The following ACBD6 variants were observed in gnomAD, a reference collection of about 807,000 sequenced individuals.
ACBD6 encodes acyl-CoA binding domain containing 6.
A neutral mutation model predicts 37.2 loss-of-function variants in ACBD6; 28 were observed. The observed-to-expected ratio is 0.75, with a 90% CI of 0.56 to 1.03. The LOEUF is 1.03. Ranked by LOEUF, ACBD6 falls within the 50% of genes least tolerant of loss-of-function variation. The pLI is 0.00. For missense variants in ACBD6, 340 were observed against 337.4 expected, an observed-to-expected ratio of 1.01 and a Z score of -0.06; for synonymous variants, 113 against 126.8, an observed-to-expected ratio of 0.89 and a Z score of 0.73.
At chr1:180,304,770 A>T (rs1650283137) in intron 7 of ACBD6, among the ~76,000 whole-genome samples, 1 of 150,738 alleles carries the variant, frequency 6.6e-6, no homozygotes, top group Non-Finnish European at 1.5e-5. Flanking sequence ...TTCACATGGA[A>T]CCAAAAAAGA....
intron 6 of ACBD6, among the ~76,000 whole-genome samples, chr1:180,353,025 C>T (rs1400789449): frequency 6.6e-6 from 1 of 152,224 alleles, no homozygotes; most frequent in African/African-American, 2.4e-5. Context: ...CTTACCTGAT[C>T]ACTGTTTAAA....
chr1:180,443,365 T>G (rs1649357086), intron 3 of ACBD6, among the ~76,000 whole-genome samples: 1 of 152,198 alleles, frequency 6.6e-6, no homozygotes, highest in Admixed American at 6.5e-5. Flanking sequence ...TGCTTTCTTA[T>G]GTTTCTTTCC....
intron 5 of ACBD6, among the ~76,000 whole-genome samples, chr1:180,400,997 A>G (rs1159338503): frequency 6.6e-6 from 1 of 152,084 alleles, no homozygotes; most frequent in African/African-American, 2.4e-5. Flanking sequence ...TCCATGAGTG[A>G]TATAATCTCT....
At chr1:180,488,809 G>A (rs961779034) in intron 3 of ACBD6, among the ~76,000 whole-genome samples, 1 of 151,978 alleles carries the variant, frequency 6.6e-6, no homozygotes, top group Non-Finnish European at 1.5e-5. Flanking sequence ...TCAAACTCCT[G>A]GCCTCAAGTG....
At chr1:180,432,078 G>A (rs763987201) in intron 3 of ACBD6, among the ~76,000 whole-genome samples, 1 of 151,944 alleles carries the variant, frequency 6.6e-6, no homozygotes, top group South Asian at 2.1e-4. Context: ...ATGGTGGTGC[G>A]TGACTGTAGT....
intron 7 of ACBD6, among the ~76,000 whole-genome samples, chr1:180,298,020 C>G (rs1417185008): frequency 6.6e-6 from 1 of 152,208 alleles, no homozygotes; most frequent in Non-Finnish European, 1.5e-5. Context: ...GCTGGGATAA[C>G]AGGCATGAGC....
chr1:180,339,232 G>T (rs1363095895), intron 6 of ACBD6, among the ~76,000 whole-genome samples: 2 of 152,128 alleles, frequency 1.3e-5, no homozygotes, highest in African/African-American at 4.8e-5. Context: ...ACATGCACAC[G>T]TATGTTTACT....
At chr1:180,312,402 AC>A (rs1650628932) in intron 7 of ACBD6, among the ~76,000 whole-genome samples, 1 of 152,180 alleles carries the variant, frequency 6.6e-6, no homozygotes, top group African/African-American at 2.4e-5. Context: ...ACTTAAAAAA[AC>A]TAATGCATTC....
intron 5 of ACBD6, among the ~76,000 whole-genome samples, chr1:180,411,125 T>G (rs1395728698): frequency 1.3e-5 from 2 of 152,242 alleles, no homozygotes; most frequent in Non-Finnish European, 2.9e-5. Flanking sequence ...TGTGATGGAA[T>G]TGCTACAATT....
At chr1:180,292,164 C>T (rs900112306) in intron 7 of ACBD6, among the ~76,000 whole-genome samples, 2 of 152,096 alleles carry the variant, frequency 1.3e-5, no homozygotes, top group Non-Finnish European at 2.9e-5. Flanking sequence ...AGGTCCTTTG[C>T]TTTTCCATAT....
At chr1:180,276,981 T>C (rs1240687197) in intron 9 of ACBD6, 3 of 152,210 alleles carry the variant, frequency 2.0e-5, no homozygotes, top group Non-Finnish European at 2.9e-5. Flanking sequence ...AATAAATCTC[T>C]TGAGGAACTC....
At chr1:180,278,164 C>T (rs1649152242) in intron 9 of ACBD6, 1 of 152,218 alleles carries the variant, frequency 6.6e-6, no homozygotes, top group African/African-American at 2.4e-5. Flanking sequence ...CCATACCTCC[C>T]CAGCCAGCAG....
At chr1:180,468,310 C>T (rs1650427970) in intron 3 of ACBD6, among the ~76,000 whole-genome samples, 1 of 152,140 alleles carries the variant, frequency 6.6e-6, no homozygotes, top group Non-Finnish European at 1.5e-5. Flanking sequence ...TGTCCTAAGC[C>T]CAGAAGCAGT....
At chr1:180,353,956 G>T (rs1448153092) in intron 6 of ACBD6, among the ~76,000 whole-genome samples, 1 of 152,118 alleles carries the variant, frequency 6.6e-6, no homozygotes, top group African/African-American at 2.4e-5. Flanking sequence ...GATTTCTATT[G>T]CATTCCTGTT....
chr1:180,361,154 C>CT (rs1652834763), intron 6 of ACBD6, among the ~76,000 whole-genome samples: 1 of 152,118 alleles, frequency 6.6e-6, no homozygotes, highest in Non-Finnish European at 1.5e-5. Flanking sequence ...AATTTCCCTG[C>CT]TTTGCAAAGC....
chr1:180,473,000 T>G (rs938260187), intron 3 of ACBD6, among the ~76,000 whole-genome samples: 12 of 151,994 alleles, frequency 7.9e-5, no homozygotes, highest in Non-Finnish European at 1.6e-4. Context: ...ATAGAATAAT[T>G]CCATAGAATA....
At chr1:180,456,951 C>G (rs190866848) in intron 3 of ACBD6, among the ~76,000 whole-genome samples, 5 of 152,198 alleles carry the variant, frequency 3.3e-5, no homozygotes, top group Admixed American at 6.5e-5. Context: ...TACAAACAAA[C>G]ATATTTTATA....
intron 1 of ACBD6, among the ~76,000 whole-genome samples, chr1:180,496,037 T>C (rs1490776076): frequency 1.3e-5 from 2 of 152,204 alleles, no homozygotes; most frequent in African/African-American, 2.4e-5. Context: ...AATTCATCAA[T>C]ATAAATTTGG....
At chr1:180,304,285 G>C (rs142985093) in intron 7 of ACBD6, among the ~76,000 whole-genome samples, 11,055 of 150,460 alleles carry the variant, frequency 0.073, 1,358 homozygotes, top group African/African-American at 0.24. Flanking sequence ...GGAAATAAAG[G>C]GTATTCAATT....
Sources: allele counts gnomAD v4.1 joint callset (sites outside exome capture counted in the v4.1 genomes callset), GRCh38; gene constraint gnomAD v4.1.1; transcripts MANE v1.5; gene names NCBI Gene and HGNC (gene_info 2026-07-23, HGNC 2026-07-21).